The following WNT5B variants were observed in gnomAD, a reference collection of about 807,000 sequenced individuals.
WNT5B encodes protein Wnt-5b.
Under a neutral mutation model 36.5 loss-of-function variants are expected in WNT5B, and 18 were observed. That is an observed-to-expected ratio of 0.49 (90% CI 0.34 to 0.73). WNT5B has a LOEUF of 0.73. Among genes scored for constraint, WNT5B ranks in the 30% least tolerant of loss-of-function variants. WNT5B has a pLI of 0.01. For synonymous variants in WNT5B, 213 were observed against 212.3 expected (o/e 1.00, Z -0.03); for missense variants, 424 against 508.4 (o/e 0.83, Z 1.60).
rs1394438323 is a variant in WNT5B at position 1,632,413 on chromosome 12, AG to A, written c.81-244del. On this transcript the variant is annotated intron_variant, in intron 2 of 4. Transcript: ENST00000397196. The surrounding 1 kb of genome is among the most constrained non-coding windows in gnomAD (Gnocchi z 5.8). Reference sequence around the variant, plus strand: ...GGCTATTTTCCTATCTGATCACAGCAGATCCAGAAGCATATCCAGAGTCTGT... The same window carrying A: ...GGCTATTTTCCTATCTGATCACAGCAATCCAGAAGCATATCCAGAGTCTGT... Among the ~76,000 whole-genome samples the A allele has an allele frequency of 1.3e-5, 2 of 152,214 alleles. No individual in the cohort carries two copies. The highest frequency in any genetic ancestry group is 2.9e-5 in the Non-Finnish European group (2 of 68,036).
At chr12:1,631,902 G>A (rs556453143) in intron 2 of WNT5B, among the ~76,000 whole-genome samples, 5 of 152,274 alleles carry the variant, frequency 3.3e-5, no homozygotes, top group South Asian at 4.1e-4. Context: ...CAAGTTGACA[G>A]GGAAATGGCA....
rs2094550937 is a variant in WNT5B, at chr12:1,631,580, C to T, written c.80+146C>T. The stretch of plus-strand genomic sequence containing the variant: ...TCTTTTATCCCAGGAAAACTAAGAA[C>T]GCTCTGTGTCTCTCTCAACCCTTAT... On this transcript the variant is annotated intron_variant, in intron 2 of 4. Transcript: ENST00000397196. 1.6e-5 allele frequency: 21 copies of T among 1,284,034 alleles called. 1 individual carries two copies. The South Asian group carries it at 2.4e-4, about 15-fold the overall frequency. 79.5% of individuals were successfully genotyped at this position (1,284,034 alleles called of 1,614,324 possible).
chr12:1,646,133 C>T lies in WNT5B; in HGVS notation c.961C>T (p.Arg321Cys), dbSNP rs762782191. The T allele has an allele frequency of 3.7e-6, 6 of 1,613,908 alleles. No individual in the cohort carries two copies. Among genetic ancestry groups the T allele is most frequent in the South Asian group, 1.1e-5 (1 of 91,086 alleles). The part of the protein sequence containing the change: ...MDGCELMCCG[R>C]GYNQFKSVQV... ...TGGCTGTGAGCTCATGTGCTGCGGG[C>T]GTGGCTACAACCAGTTCAAGAGCGT... is the stretch of plus-strand genomic sequence containing the variant. The change falls in exon 5 of 5, where the codon CGT (arginine) becomes TGT (cysteine). Residue 321 changes from arginine (R) to cysteine (C), a missense_variant. Arg to Cys is a radical substitution (Grantham distance 180, BLOSUM62 -3). Coordinates refer to ENST00000397196, the MANE Select transcript of WNT5B (RefSeq NM_032642.3).
intron 1 of WNT5B, among the ~76,000 whole-genome samples, chr12:1,623,187 GTTTTTTTTTTTT>G (rs771500550): frequency 1.5e-4 from 9 of 58,366 alleles, no homozygotes; most frequent in African/African-American, 5.0e-4. Flanking sequence ...GTTTTTTGTT[GTTTTTTTTTTTT>G]TTTTTTTTTT....
At position 1,632,482 on chromosome 12, in the gene WNT5B, C is replaced by A. The variant is rs534030060; in HGVS notation, c.81-176C>A. ...TCGCATGTCCTTTGTGTTCATGCCTCAGATTCCTTCAGTTTGTCCTTTGAA... is the reference window on the plus strand; with the variant it reads ...TCGCATGTCCTTTGTGTTCATGCCTAAGATTCCTTCAGTTTGTCCTTTGAA... On this transcript the variant is annotated intron_variant, in intron 2 of 4. Transcript: ENST00000397196. The surrounding 1 kb of genome is among the most constrained non-coding windows in gnomAD (Gnocchi z 5.8). Among the ~76,000 whole-genome samples, 1 of 152,342 alleles carries A rather than the reference C, an allele frequency of 6.6e-6. No homozygotes were observed. Among genetic ancestry groups the A allele is most frequent in the East Asian group, 1.9e-4 (1 of 5,190 alleles).
upstream of WNT5B, among the ~76,000 whole-genome samples, chr12:1,626,787 G>C (rs1029846670): frequency 6.0e-5 from 9 of 151,028 alleles, no homozygotes; most frequent in South Asian, 2.1e-4. Flanking sequence ...GGATGGTCTC[G>C]ATCTCCTGAC....
chr12:1,643,252 C>T (rs980481479), intron 4 of WNT5B, among the ~76,000 whole-genome samples: 1 of 152,188 alleles, frequency 6.6e-6, no homozygotes, highest in Non-Finnish European at 1.5e-5. Context: ...AGATAAAAGC[C>T]TGGTGCCTAA....
Position 1,620,833 on chromosome 12 carries a change from A to C in WNT5B, c.-58+3690A>C, listed in dbSNP as rs572929588. 2.6e-5 allele frequency among the ~76,000 whole-genome samples: 4 copies of C among 151,336 alleles called. No individual in the cohort carries two copies. In the South Asian group the frequency reaches 8.4e-4, roughly 32 times the overall value. On this transcript the variant is annotated intron_variant, in intron 1 of 4. Coordinates refer to the WNT5B transcript ENST00000310594. ...ATTCTCCTGCCTCAGCCTCCCAAGT[A>C]GCTGGGACTACAGGCATGCGCCACC...
chr12:1,636,536 TA>T (rs2094561897), intron 3 of WNT5B, among the ~76,000 whole-genome samples: 1 of 33,394 alleles, frequency 3.0e-5, no homozygotes, highest in Non-Finnish European at 6.3e-5. Context: ...TATATATATA[TA>T]TATACTTTTT....
chr12:1,631,459 G>A (rs755444314), intron 2 of WNT5B, 25 bp downstream of exon 2: 5 of 1,613,808 alleles, frequency 3.1e-6, no homozygotes, highest in Non-Finnish European at 4.2e-6. Context: ...CTGAGGTCCT[G>A]CCTGCACAGC....
At chr12:1,620,035 C>CT (rs1312545489) in intron 1 of WNT5B, among the ~76,000 whole-genome samples, 1 of 152,118 alleles carries the variant, frequency 6.6e-6, no homozygotes, top group Admixed American at 6.5e-5. Flanking sequence ...ATTAATATGA[C>CT]TTTTTTATTT....
At chr12:1,637,511 G>T (rs2094564102) in intron 3 of WNT5B, among the ~76,000 whole-genome samples, 1 of 151,714 alleles carries the variant, frequency 6.6e-6, no homozygotes, top group Non-Finnish European at 1.5e-5. Context: ...GCCCAGGCGG[G>T]CGGATCACGA....
chr12:1,631,720 C>T (rs1358027160), intron 2 of WNT5B, among the ~76,000 whole-genome samples: 1 of 151,664 alleles, frequency 6.6e-6, no homozygotes, highest in Non-Finnish European at 1.5e-5. Flanking sequence ...TTAGAAATTG[C>T]TCTTGGGTCA....
intron 3 of WNT5B, among the ~76,000 whole-genome samples, chr12:1,634,839 G>A (rs1442792755): frequency 6.6e-6 from 1 of 152,178 alleles, no homozygotes; most frequent in African/African-American, 2.4e-5. Context: ...CTTCTGCCTA[G>A]GGAGTTTGGA....
rs2094532860 is a variant in WNT5B, at chr12:1,620,839, G to A, written c.-58+3696G>A. On this transcript the variant is annotated intron_variant, in intron 1 of 4. Transcript: ENST00000310594. ...CTGCCTCAGCCTCCCAAGTAGCTGG[G>A]ACTACAGGCATGCGCCACCACCCCT... Among the ~76,000 whole-genome samples, 3 of 151,418 alleles carry A rather than the reference G, an allele frequency of 2.0e-5. No individual in the cohort carries two copies. In the South Asian group the frequency reaches 6.3e-4, roughly 32 times the overall value.
At position 1,618,130 on chromosome 12, in the gene WNT5B, A is replaced by G. The variant is rs1450066201; in HGVS notation, c.-58+987A>G. ...GTACTCCAGCCTGGGTGACAGTGAG[A>G]CGATGTCTCCAAAAAAGAAAAGACA... is the stretch of plus-strand genomic sequence containing the variant. On this transcript the variant is annotated intron_variant, in intron 1 of 4. Coordinates refer to the WNT5B transcript ENST00000310594. This position sits in a 1 kb window ranked among gnomAD's most constrained non-coding sequence, Gnocchi z 4.1. 6.6e-6 allele frequency among the ~76,000 whole-genome samples: 1 copy of G among 152,202 alleles called. No individual in the cohort carries two copies. Among genetic ancestry groups the G allele is most frequent in the Non-Finnish European group, 1.5e-5 (1 of 68,036 alleles).
rs7295026 is a variant in WNT5B, at chr12:1,635,653, G to A, written c.328+2748G>A. On this transcript the variant is annotated intron_variant, in intron 3 of 4. Transcript: ENST00000397196. ...GGCTGAAGCTTGGGAGGCTCCCTCC[G>A]TTCCAGGATGCCATGTCAGGTGGTT... Among the ~76,000 whole-genome samples, 1,200 of 152,344 alleles carry A rather than the reference G, an allele frequency of 7.9e-3. 13 individuals are homozygous for A. Among genetic ancestry groups the A allele is most frequent in the African/African-American group, 0.028 (1,158 of 41,584 alleles).
intron 1 of WNT5B, among the ~76,000 whole-genome samples, chr12:1,622,185 A>C: frequency 7.2e-6 from 1 of 139,180 alleles, no homozygotes; most frequent in East Asian, 2.1e-4. Flanking sequence ...ATCTCGGCTC[A>C]CTGCAAGCTC....
chr12:1,640,037 T>A, intron 4 of WNT5B, 61 bp downstream of exon 4: 3 of 1,536,848 alleles, frequency 2.0e-6, no homozygotes, highest in Non-Finnish European at 2.6e-6. Flanking sequence ...TCCCGGGCTG[T>A]GCCACCAGCC....
Sources: allele counts gnomAD v4.1 joint callset (sites outside exome capture counted in the v4.1 genomes callset), GRCh38; gene constraint gnomAD v4.1.1; non-coding constraint Gnocchi (gnomAD v3.1); transcripts MANE v1.5; gene names NCBI Gene and HGNC (gene_info 2026-07-23, HGNC 2026-07-21).